The following TPM4 variants were observed in gnomAD, a reference collection of about 807,000 sequenced individuals.
TPM4 encodes tropomyosin 4.
A neutral mutation model predicts 35.8 loss-of-function variants in TPM4; 17 were observed. The ratio of observed to expected loss-of-function variants is 0.47; its 90% confidence interval spans 0.32 to 0.71. TPM4 has a LOEUF of 0.71. Ranked by LOEUF, TPM4 falls within the 30% of genes least tolerant of loss-of-function variation. The pLI, the probability that TPM4 is intolerant of heterozygous loss-of-function variation, is 0.03. For missense variants in TPM4, 240 were observed against 320.9 expected (o/e 0.75, Z 1.93); for synonymous variants, 120 against 122.9 (o/e 0.98, Z 0.15).
At chr19:16,094,342 T>C (rs1377238445) in intron 7 of TPM4, among the ~76,000 whole-genome samples, 1 of 152,054 alleles carries the variant, frequency 6.6e-6, no homozygotes, top group African/African-American at 2.4e-5. Context: ...GAGACTAACC[T>C]GGCCAACATG....
intron 4 of TPM4, chr19:16,088,443 G>A (rs528993391): frequency 1.8e-6 from 2 of 1,126,570 alleles, no homozygotes; most frequent in Admixed American, 7.8e-5. Context: ...CAGAAGGCAG[G>A]CTCCCCCGGT....
In TPM4 at chr19:16,067,901, G is replaced by A; in HGVS notation, c.114+163G>A. The A allele has an allele frequency of 1.6e-6, 1 of 629,392 alleles. No homozygotes were observed. Among genetic ancestry groups the A allele is most frequent in the Non-Finnish European group, 2.6e-6 (1 of 384,414 alleles). The allele number at this position is 629,392 out of a possible 1,614,324, so 39.0% of individuals were successfully genotyped here. ...GGGGACCATTGCCTTCCTTGGATGGGGTCCTGGGCTGGAAGAGGGGTGACG... is the reference window on the plus strand; with the variant it reads ...GGGGACCATTGCCTTCCTTGGATGGAGTCCTGGGCTGGAAGAGGGGTGACG... On this transcript the variant is annotated intron_variant, in intron 2 of 2. Coordinates refer to the TPM4 transcript ENST00000589897. The surrounding 1 kb of genome is among the most constrained non-coding windows in gnomAD (Gnocchi z 4.1).
rs113423795 is a variant in TPM4, at chr19:16,087,969, A to G, written c.385-58A>G. 2.2e-3 allele frequency: 3,490 copies of G among 1,564,140 alleles called. 51 individuals are homozygous for G. In the African/African-American group the frequency reaches 0.035, roughly 16 times the overall value. On this transcript the variant is annotated intron_variant, in intron 3 of 7. Transcript: ENST00000643579. ...CATCATTGGGGGCTGTCTGCAGTGG[A>G]TGGGAGAGGACACGGCTGGTGGGGA...
rs1057280323 is a variant in TPM4, at chr19:16,070,508, G to A, written c.114+2770G>A. ...GGCCAGGAGCCAGGCCAGCCCGGCAGCTAAAGGCGAAAGCTCGGAGCTCAG... is the reference window on the plus strand; with the variant it reads ...GGCCAGGAGCCAGGCCAGCCCGGCAACTAAAGGCGAAAGCTCGGAGCTCAG... On this transcript the variant is annotated intron_variant, in intron 2 of 2. Transcript: ENST00000589897. The surrounding 1 kb of genome is among the most constrained non-coding windows in gnomAD (Gnocchi z 7.4). Among the ~76,000 whole-genome samples, 1 of 152,166 alleles carries A rather than the reference G, an allele frequency of 6.6e-6. No individual in the cohort carries two copies. Among genetic ancestry groups the A allele is most frequent in the Non-Finnish European group, 1.5e-5 (1 of 68,016 alleles).
intron 7 of TPM4, among the ~76,000 whole-genome samples, chr19:16,098,958 A>G (rs1218552034): frequency 6.6e-6 from 1 of 152,154 alleles, no homozygotes; most frequent in Admixed American, 6.6e-5. Flanking sequence ...TAATGGAGAA[A>G]CTGGCTCGTC....
In TPM4 at chr19:16,076,728, G is replaced by A. The variant is rs1252493751; in HGVS notation, c.132+31G>A. On this transcript the variant is annotated intron_variant, in intron 1 of 7. Transcript: ENST00000643579. Reference sequence around the variant, plus strand: ...CGCCCCGGCCTCGGGCCCCGCACCCGCAGCCTCCTCCCCCGCGCGCCCTCC... The same window carrying A: ...CGCCCCGGCCTCGGGCCCCGCACCCACAGCCTCCTCCCCCGCGCGCCCTCC... The A allele has an allele frequency of 4.6e-6, 6 of 1,300,032 alleles. No individual in the cohort carries two copies. In the African/African-American group the frequency reaches 7.8e-5, roughly 17 times the overall value. The allele number at this position is 1,300,032 out of a possible 1,614,324, so 80.5% of individuals were successfully genotyped here.
intron 7 of TPM4, among the ~76,000 whole-genome samples, chr19:16,097,296 C>T (rs147556114): frequency 1.4e-5 from 2 of 146,820 alleles, no homozygotes; most frequent in East Asian, 2.1e-4. Context: ...CTTTTTGAGA[C>T]GGAGTTTCGC....
At chr19:16,069,411 G>GAC (rs1195011364) in intron 2 of TPM4, among the ~76,000 whole-genome samples, 3 of 690 alleles carry the variant, frequency 4.3e-3, no homozygotes, top group Non-Finnish European at 0.014. Context: ...ATGAGTGTGT[G>GAC]TTTCTGTTGG....
In TPM4 at chr19:16,076,497, G is replaced by A; in HGVS notation, c.-69G>A. On this transcript the variant is annotated 5_prime_UTR_variant, in exon 1 of 8. Coordinates refer to ENST00000643579, the MANE Select transcript of TPM4 (RefSeq NM_003290.3). Reference sequence around the variant, plus strand: ...GCTTGGGGGGCCGGGGCGCGGCTGTGCAGCTCTCGCCGGAGCCGAGCCCAG... The same window carrying A: ...GCTTGGGGGGCCGGGGCGCGGCTGTACAGCTCTCGCCGGAGCCGAGCCCAG... 7.4e-7 allele frequency: 1 copy of A among 1,352,812 alleles called. No homozygotes were observed. 83.8% of individuals were successfully genotyped at this position (1,352,812 alleles called of 1,614,324 possible). A position where few individuals can be genotyped will look rare whatever the true frequency, so the allele number is the denominator to read the frequency against.
intron 2 of TPM4, among the ~76,000 whole-genome samples, chr19:16,069,783 GGT>G (rs957013905): frequency 2.0e-5 from 3 of 151,056 alleles, no homozygotes; most frequent in South Asian, 4.2e-4. Context: ...TGTTTCGATT[GGT>G]GTGTGTGTGA....
At chr19:16,076,019 G>A (rs2090400494), upstream of TPM4, 1 of 1,513,506 alleles carries the variant, frequency 6.6e-7, no homozygotes, top group Non-Finnish European at 9.1e-7. Context: ...CCCCCAGGCT[G>A]ACCCGTTCCT....
In TPM4 at chr19:16,086,605, G is replaced by A. The variant is rs1776323501; in HGVS notation, c.384+65G>A. 4.3e-6 allele frequency: 6 copies of A among 1,396,640 alleles called. No individual in the cohort carries two copies. The East Asian group carries it at 1.4e-4, about 32-fold the overall frequency. The allele number at this position is 1,396,640 out of a possible 1,614,324, so 86.5% of individuals were successfully genotyped here. Reference sequence around the variant, plus strand: ...GAGGAAATGCATCTGCTGAGATAGGGAGGACACCGGGGCCAACGAAAGGAA... The same window carrying A: ...GAGGAAATGCATCTGCTGAGATAGGAAGGACACCGGGGCCAACGAAAGGAA... On this transcript the variant is annotated intron_variant, in intron 3 of 7. Coordinates refer to ENST00000643579, the MANE Select transcript of TPM4 (RefSeq NM_003290.3).
chr19:16,071,422 T>C (rs771584864), intron 2 of TPM4, among the ~76,000 whole-genome samples: 19 of 152,296 alleles, frequency 1.2e-4, no homozygotes, highest in Non-Finnish European at 2.1e-4. Context: ...TGGGCTCAAG[T>C]GATCCTTCCA....
Position 16,088,998 on chromosome 19 carries a change from C to A in TPM4, c.456-47C>A, listed in dbSNP as rs199862891. 2.5e-6 allele frequency: 4 copies of A among 1,611,770 alleles called. No homozygotes were observed. The African/African-American group carries it at 5.3e-5, about 22-fold the overall frequency. Reference sequence around the variant, plus strand: ...TTGTTGGGGCGATTGCTATTATTGCCGGCTGTAAGGGAAGATAAGACACAA... The same window carrying A: ...TTGTTGGGGCGATTGCTATTATTGCAGGCTGTAAGGGAAGATAAGACACAA... On this transcript the variant is annotated intron_variant, in intron 4 of 7. Transcript: ENST00000643579.
In TPM4 at chr19:16,085,513, C is replaced by G. The variant is rs543636255; in HGVS notation, c.267-910C>G. Among the ~76,000 whole-genome samples, 4 of 152,196 alleles carry G rather than the reference C, an allele frequency of 2.6e-5. No homozygotes were observed. In the East Asian group the frequency reaches 7.8e-4, roughly 29 times the overall value. On this transcript the variant is annotated intron_variant, in intron 2 of 7. Coordinates refer to ENST00000643579, the MANE Select transcript of TPM4 (RefSeq NM_003290.3). ...CCTGAGAGGACAAGGCTGCCGTGAG[C>G]TCTCAGGGCACCACTGCACTCCAAC...
intron 5 of TPM4, 58 bp downstream of exon 5, chr19:16,089,178 C>G: frequency 6.2e-7 from 1 of 1,605,154 alleles, no homozygotes; most frequent in Non-Finnish European, 8.5e-7. Context: ...TTTCTTCTCC[C>G]GAGGGATGCA....
chr19:16,074,273 C>G (rs1032877167), upstream of TPM4: 1 of 152,200 alleles, frequency 6.6e-6, no homozygotes, highest in African/African-American at 2.4e-5. Flanking sequence ...GCAGTTATAA[C>G]AAAACACCAT....
chr19:16,099,328 T>C (rs2090738632), intron 7 of TPM4, among the ~76,000 whole-genome samples: 1 of 148,034 alleles, frequency 6.8e-6, no homozygotes, highest in Admixed American at 6.7e-5. Context: ...GGATCCATGG[T>C]GTCTCATGCC....
At chr19:16,095,902 C>T in intron 7 of TPM4, 1 of 151,830 alleles carries the variant, frequency 6.6e-6, no homozygotes, top group Non-Finnish European at 1.5e-5. Context: ...AGGTGTGCAC[C>T]ACCACACAAG....
Sources: allele counts gnomAD v4.1 joint callset (sites outside exome capture counted in the v4.1 genomes callset), GRCh38; gene constraint gnomAD v4.1.1; non-coding constraint Gnocchi (gnomAD v3.1); transcripts MANE v1.5; gene names NCBI Gene and HGNC (gene_info 2026-07-23, HGNC 2026-07-21).